PHF21B: variants seen among roughly 807,000 people sequenced by gnomAD.
PHF21B encodes PHD finger protein 21B.
In PHF21B, 22 loss-of-function variants were observed where a neutral mutation model predicts 62.2. The ratio of observed to expected loss-of-function variants is 0.35; its 90% CI spans 0.25 to 0.51. PHF21B has a LOEUF of 0.51. Among genes scored for constraint, PHF21B ranks in the 20% least tolerant of loss-of-function variants. The pLI is 0.97. For synonymous variants in PHF21B, 341 were observed against 314.7 expected, an observed-to-expected ratio of 1.08 and a Z score of -0.88; for missense variants, 701 against 707.9, an observed-to-expected ratio of 0.99 and a Z score of 0.11.
rs115519363 is a variant in PHF21B at position 44,960,783 on chromosome 22, G to A, written c.121-40293C>T. ...AAGTCCTGCTGTCTGCCTGCACTCA[G>A]CCTGGACACCAGGGTTTTCTTGCCT... On this transcript the variant is annotated intron_variant, in intron 2 of 12. Coordinates refer to ENST00000313237, the MANE Select transcript of PHF21B (RefSeq NM_138415.5). 8.2e-3 allele frequency among the ~76,000 whole-genome samples: 1,253 copies of A among 152,214 alleles called. 24 individuals are homozygous for A. The highest frequency in any genetic ancestry group is 0.028 in the African/African-American group (1,177 of 41,524).
chr22:44,931,934 A>T (rs7292206), intron 2 of PHF21B, among the ~76,000 whole-genome samples: 5,441 of 152,308 alleles, frequency 0.036, 148 homozygotes, highest in Middle Eastern at 0.078. Context: ...CACAGCCAGC[A>T]GCCTGCTGGG....
chr22:44,964,352 C>T (rs146953725), intron 2 of PHF21B, among the ~76,000 whole-genome samples: 95 of 152,280 alleles, frequency 6.2e-4, no homozygotes, highest in African/African-American at 2.1e-3. Flanking sequence ...GATGGGACTT[C>T]GCGTGGTGCA....
chr22:44,917,647 G>A (rs959478674), intron 3 of PHF21B, among the ~76,000 whole-genome samples: 1 of 152,210 alleles, frequency 6.6e-6, no homozygotes, highest in African/African-American at 2.4e-5. Context: ...GCATAATGGA[G>A]CCTCACCGGT....
intron 2 of PHF21B, among the ~76,000 whole-genome samples, chr22:44,945,720 G>T (rs900273286): frequency 8.9e-5 from 2 of 22,584 alleles, no homozygotes; most frequent in African/African-American, 1.4e-4. Flanking sequence ...CAGAATTGGG[G>T]GGGGGGTGGT....
chr22:44,905,403 G>C (rs1449757825), intron 5 of PHF21B, among the ~76,000 whole-genome samples: 5 of 151,856 alleles, frequency 3.3e-5, no homozygotes, highest in Admixed American at 6.6e-5. Flanking sequence ...TTATATCCTT[G>C]GTTTTTGTGC....
chr22:44,920,438 A>G lies in PHF21B; in HGVS notation c.173T>C (p.Leu58Ser), dbSNP rs1423782570. ...VPVTGPQVSSLQRLAGQGAAV... is the reference protein window; with the variant it reads ...VPVTGPQVSSSQRLAGQGAAV... ...CGCTCCTTGCCCGGCCAACCTCTGC[A>G]AGGAGCTGACCTGAGGACCCGTGAC... Residue 58 changes from leucine to serine, a missense_variant, in exon 3 of 13, where the codon TTG becomes TCG. Coordinates refer to ENST00000313237, the MANE Select transcript of PHF21B (RefSeq NM_138415.5). The G allele has an allele frequency of 3.7e-6, 6 of 1,613,080 alleles. No homozygotes were observed. Among genetic ancestry groups the G allele is most frequent in the Non-Finnish European group, 5.1e-6 (6 of 1,179,476 alleles).
intron 2 of PHF21B, among the ~76,000 whole-genome samples, chr22:45,007,551 G>C (rs1432714212): frequency 8.8e-6 from 1 of 113,002 alleles, no homozygotes; most frequent in South Asian, 2.8e-4. Flanking sequence ...GCGCGGGCGG[G>C]GGCGGGGCGC....
At chr22:44,916,873 G>T (rs1317008279) in intron 3 of PHF21B, among the ~76,000 whole-genome samples, 2 of 152,258 alleles carry the variant, frequency 1.3e-5, no homozygotes, top group Non-Finnish European at 2.9e-5. Context: ...CCTCCCAGCT[G>T]CACTCAGAGA....
At position 45,009,650 on chromosome 22, in the gene PHF21B, C is replaced by T. The variant is rs1203238233; in HGVS notation, c.-101G>A. ...GAGCGGGCGCGGGCGGACGCGGCCT[C>T]CGGGCTGGGTTGGGGGGGACACGAG... On this transcript the variant is annotated 5_prime_UTR_variant, in exon 1 of 13. Transcript: ENST00000313237. This position sits in a 1 kb window ranked among gnomAD's most constrained non-coding sequence, Gnocchi z 5.9. 2.8e-5 allele frequency: 35 copies of T among 1,237,086 alleles called. No homozygotes were observed. Among genetic ancestry groups the T allele is most frequent in the Non-Finnish European group, 3.7e-5 (35 of 935,766 alleles). The allele number at this position is 1,237,086 out of a possible 1,614,324, so 76.6% of individuals were successfully genotyped here.
Position 44,953,350 on chromosome 22 carries a change from C to G in PHF21B, c.121-32860G>C, listed in dbSNP as rs568327299. ...CAGCAATTCCTGTCTTTGAAGCTCC[C>G]GTGAGTGCCCCTCCCTACCCCTCCC... On this transcript the variant is annotated intron_variant, in intron 2 of 12. Coordinates refer to ENST00000313237, the MANE Select transcript of PHF21B (RefSeq NM_138415.5). Among the ~76,000 whole-genome samples the G allele has an allele frequency of 5.3e-5, 8 of 152,314 alleles. No individual in the cohort carries two copies. The East Asian group carries it at 1.5e-3, about 29-fold the overall frequency.
intron 2 of PHF21B, among the ~76,000 whole-genome samples, chr22:45,006,924 G>A (rs977920353): frequency 3.3e-5 from 5 of 151,802 alleles, no homozygotes; most frequent in African/African-American, 1.2e-4. Context: ...TGTGCTCTGC[G>A]GAAAAGGGTC....
intron 2 of PHF21B, among the ~76,000 whole-genome samples, chr22:45,006,060 T>C (rs557797938): frequency 3.3e-5 from 5 of 152,244 alleles, no homozygotes; most frequent in Non-Finnish European, 7.4e-5. Context: ...GGGGAGTAAA[T>C]GTTAAGTCTC....
intron 5 of PHF21B, among the ~76,000 whole-genome samples, chr22:44,905,730 A>G (rs1276152835): frequency 6.6e-6 from 1 of 152,140 alleles, no homozygotes; most frequent in South Asian, 2.1e-4. Context: ...CCGGGTTCAC[A>G]CCATTCTCCT....
chr22:44,911,687 G>A (rs927582383), intron 5 of PHF21B, among the ~76,000 whole-genome samples: 4 of 152,248 alleles, frequency 2.6e-5, no homozygotes, highest in Non-Finnish European at 4.4e-5. Flanking sequence ...TATACAGGCA[G>A]AAGTTTGCTG....
rs111940501 is a variant in PHF21B at position 44,909,245 on chromosome 22, T to C, written c.831+4577A>G. ...TACTAATTGTATAAATGCACAATAA[T>C]TGACTAAGATATATTAAATACTTTG... On this transcript the variant is annotated intron_variant, in intron 5 of 12. Transcript: ENST00000313237. Among the ~76,000 whole-genome samples, 859 of 152,336 alleles carry C rather than the reference T, an allele frequency of 5.6e-3. 15 individuals carry two copies. The highest frequency in any genetic ancestry group is 0.049 in the South Asian group (235 of 4,830).
intron 2 of PHF21B, among the ~76,000 whole-genome samples, chr22:44,942,297 C>T (rs567923241): frequency 6.6e-6 from 1 of 152,206 alleles, no homozygotes; most frequent in East Asian, 1.9e-4. Context: ...GGAGGGCAGC[C>T]GATGGGCTCT....
intron 2 of PHF21B, among the ~76,000 whole-genome samples, chr22:44,995,337 C>G (rs2073102615): frequency 6.6e-6 from 1 of 152,162 alleles, no homozygotes; most frequent in Non-Finnish European, 1.5e-5. Context: ...GGCAGCGTTC[C>G]CCATTCAAGT....
intron 2 of PHF21B, among the ~76,000 whole-genome samples, chr22:44,942,129 C>T (rs1214510323): frequency 6.6e-6 from 1 of 152,224 alleles, no homozygotes; most frequent in African/African-American, 2.4e-5. Flanking sequence ...TCAGCATCTG[C>T]CCTTGTCCCA....
chr22:44,949,587 T>G (rs1436537510), intron 2 of PHF21B, among the ~76,000 whole-genome samples: 1 of 152,226 alleles, frequency 6.6e-6, no homozygotes, highest in Non-Finnish European at 1.5e-5. Context: ...GTTTTGCGAC[T>G]CATCCTATGT....
Sources: allele counts gnomAD v4.1 joint callset (sites outside exome capture counted in the v4.1 genomes callset), GRCh38; gene constraint gnomAD v4.1.1; non-coding constraint Gnocchi (gnomAD v3.1); transcripts MANE v1.5; gene names NCBI Gene and HGNC (gene_info 2026-07-23, HGNC 2026-07-21).